The following FARP1 variants were observed in gnomAD, a reference collection of about 807,000 sequenced individuals.
FARP1 encodes the protein FERM, ARH/RhoGEF and pleckstrin domain protein 1, also known as FERM, ARHGEF and pleckstrin domain-containing protein 1.
Under a neutral mutation model 128.8 loss-of-function variants are expected in FARP1, and 52 were observed. That is an observed-to-expected ratio of 0.40 (90% CI 0.32 to 0.51). The LOEUF is 0.51. Among genes scored for constraint, FARP1 ranks in the 20% least tolerant of loss-of-function variants. The pLI is 0.45. For missense variants in FARP1, 1,333 were observed against 1,367.9 expected, an observed-to-expected ratio of 0.97 and a Z score of 0.40; for synonymous variants, 580 against 551.8, an observed-to-expected ratio of 1.05 and a Z score of -0.72.
intron 5 of FARP1, among the ~76,000 whole-genome samples, chr13:98,373,848 AT>A (rs1282715670): frequency 6.6e-6 from 1 of 152,142 alleles, no homozygotes; most frequent in African/African-American, 2.4e-5. Context: ...TTTAATTCTT[AT>A]GGAAACCTCT....
intron 2 of FARP1, among the ~76,000 whole-genome samples, chr13:98,283,696 T>G (rs1349011864): frequency 6.6e-6 from 1 of 152,238 alleles, no homozygotes; most frequent in African/African-American, 2.4e-5. Context: ...GCATATACCT[T>G]TAAGTGAAAT....
At chr13:98,338,220 C>T (rs1887822089) in intron 2 of FARP1, among the ~76,000 whole-genome samples, 1 of 152,158 alleles carries the variant, frequency 6.6e-6, no homozygotes, top group South Asian at 2.1e-4. Context: ...TTAAGTACAT[C>T]CACATCGTTG....
intron 1 of FARP1, among the ~76,000 whole-genome samples, chr13:98,170,497 C>T (rs1877579746): frequency 6.6e-6 from 1 of 152,218 alleles, no homozygotes; most frequent in South Asian, 2.1e-4. Flanking sequence ...GCTGGGACTA[C>T]AGGTGTGTGC....
At chr13:98,430,347 C>T (rs749362102) in intron 17 of FARP1, among the ~76,000 whole-genome samples, 53 of 152,346 alleles carry the variant, frequency 3.5e-4, no homozygotes, top group Non-Finnish European at 6.5e-4. Context: ...AAAGCAAACT[C>T]GGTTTTTGTG....
chr13:98,361,033 G>A (rs1405744797), intron 3 of FARP1, among the ~76,000 whole-genome samples: 1 of 152,216 alleles, frequency 6.6e-6, no homozygotes, highest in Non-Finnish European at 1.5e-5. Context: ...ACCTAGTCCA[G>A]CTCCGCTCGC....
intron 12 of FARP1, among the ~76,000 whole-genome samples, chr13:98,394,332 C>CA (rs1161378480): frequency 6.6e-6 from 1 of 152,150 alleles, no homozygotes; most frequent in South Asian, 2.1e-4. Context: ...CGTGTGAATC[C>CA]AAAAAAACCC....
chr13:98,192,228 C>T (rs1879282491), intron 1 of FARP1, among the ~76,000 whole-genome samples: 1 of 152,098 alleles, frequency 6.6e-6, no homozygotes, highest in South Asian at 2.1e-4. Context: ...GCGTTTATAG[C>T]CTTTTTATTG....
At chr13:98,244,673 G>A (rs556222251) in intron 2 of FARP1, 149 of 1,614,110 alleles carry the variant, frequency 9.2e-5, no homozygotes, top group African/African-American at 2.5e-4. Context: ...GAAGCTTAGC[G>A]GTCACAGTCA....
At chr13:98,182,497 T>C (rs1169871372) in intron 1 of FARP1, among the ~76,000 whole-genome samples, 1 of 152,052 alleles carries the variant, frequency 6.6e-6, no homozygotes, top group Non-Finnish European at 1.5e-5. Flanking sequence ...TGGCTGATTT[T>C]TGTATTTTTT....
chr13:98,209,027 G>T (rs987998934), intron 1 of FARP1, among the ~76,000 whole-genome samples: 4 of 152,134 alleles, frequency 2.6e-5, no homozygotes, highest in East Asian at 1.9e-4. Context: ...TTTTGTATTT[G>T]AGACAGAGTC....
At chr13:98,380,393 C>A (rs1358808257) in intron 6 of FARP1, among the ~76,000 whole-genome samples, 1 of 150,916 alleles carries the variant, frequency 6.6e-6, no homozygotes, top group Non-Finnish European at 1.5e-5. Context: ...CCCCACTGCC[C>A]TCCAGCCTGG....
At position 98,440,684 on chromosome 13, in the gene FARP1, G is replaced by A; in HGVS notation, c.2644G>A (p.Ala882Thr). ...SPPDNKSPDEATAADQESEDD... is the reference protein window; with the variant it reads ...SPPDNKSPDETTAADQESEDD... ...CCATCCTGTAGAGTCCCCTGATGAAGCCACCGCGGCTGACCAGGAGTCAGA... is the reference window on the plus strand; with the variant it reads ...CCATCCTGTAGAGTCCCCTGATGAAACCACCGCGGCTGACCAGGAGTCAGA... Residue 882 changes from alanine (A) to threonine (T), a missense_variant, in exon 24 of 27, where the codon GCC becomes ACC. By Grantham distance (58) the Ala-to-Thr change is moderately conservative. Coordinates refer to ENST00000319562, the MANE Select transcript of FARP1 (RefSeq NM_005766.4). The A allele has an allele frequency of 6.2e-7, 1 of 1,612,656 alleles. No individual in the cohort carries two copies. The highest frequency in any genetic ancestry group is 8.5e-7 in the Non-Finnish European group (1 of 1,179,578).
intron 4 of FARP1, among the ~76,000 whole-genome samples, chr13:98,367,122 A>G (rs701536): frequency 0.089 from 13,272 of 148,494 alleles, 1,553 homozygotes; most frequent in African/African-American, 0.27. Flanking sequence ...AAAAACTCCA[A>G]TGCAAATCAC....
intron 2 of FARP1, among the ~76,000 whole-genome samples, chr13:98,299,799 AATG>A (rs1328031234): frequency 6.6e-6 from 1 of 152,218 alleles, no homozygotes; most frequent in African/African-American, 2.4e-5. Context: ...CACGGACAAA[AATG>A]TGGTGCTGAA....
At chr13:98,153,421 G>A (rs554840116) in intron 1 of FARP1, among the ~76,000 whole-genome samples, 21,217 of 112,842 alleles carry the variant, frequency 0.19, 2,340 homozygotes, top group Middle Eastern at 0.31. Flanking sequence ...TGTATAATAT[G>A]TAACACATTA....
chr13:98,373,354 G>T (rs1330082563), intron 5 of FARP1, among the ~76,000 whole-genome samples: 1 of 152,128 alleles, frequency 6.6e-6, no homozygotes, highest in African/African-American at 2.4e-5. Flanking sequence ...TTTAAAACAT[G>T]AAGCCCTCCT....
Position 98,176,923 on chromosome 13 carries a change from G to A in FARP1, c.-24+33431G>A, listed in dbSNP as rs138253916. 187 of 1,603,742 alleles carry A rather than the reference G, an allele frequency of 1.2e-4. 3 individuals are homozygous for A. The Middle Eastern group carries it at 5.3e-3, about 45-fold the overall frequency. On this transcript the variant is annotated intron_variant, in intron 1 of 26. Coordinates refer to ENST00000319562, the MANE Select transcript of FARP1 (RefSeq NM_005766.4). This position sits in a 1 kb window ranked among gnomAD's most constrained non-coding sequence, Gnocchi z 6.2. ...GTCAGCGGTGGCCCCCATGTCCTCT[G>A]GCCCCACAGGCTTCGCCGAGCGGGT...
At chr13:98,307,810 C>T (rs1886232698) in intron 2 of FARP1, among the ~76,000 whole-genome samples, 1 of 152,116 alleles carries the variant, frequency 6.6e-6, no homozygotes, top group African/African-American at 2.4e-5. Context: ...TACTCTCTGC[C>T]AGAGTTTCTA....
At chr13:98,285,946 C>G (rs1885146157) in intron 2 of FARP1, among the ~76,000 whole-genome samples, 1 of 152,156 alleles carries the variant, frequency 6.6e-6, no homozygotes, top group Admixed American at 6.5e-5. Context: ...TCCCCTGTGT[C>G]TATTTCAGGC....
Sources: allele counts gnomAD v4.1 joint callset (sites outside exome capture counted in the v4.1 genomes callset), GRCh38; gene constraint gnomAD v4.1.1; non-coding constraint Gnocchi (gnomAD v3.1); transcripts MANE v1.5; gene names NCBI Gene and HGNC (gene_info 2026-07-23, HGNC 2026-07-21).